The following KLHL15 variants were observed in gnomAD, a reference collection of about 807,000 sequenced individuals.
KLHL15 encodes the protein kelch like family member 15, also known as kelch-like protein 15.
A neutral mutation model predicts 29.3 loss-of-function variants in KLHL15; 1 was observed. The observed-to-expected ratio is 0.03, with a 90% confidence interval of 0.01 to 0.16. The LOEUF is 0.16. Among genes scored for constraint, KLHL15 ranks in the 10% least tolerant of loss-of-function variants. The pLI is 1.00. For synonymous variants in KLHL15, 212 were observed against 184.5 expected (o/e 1.15, Z -1.21); for missense variants, 215 against 478.5 (o/e 0.45, Z 5.14).
At chrX:24,002,773 C>T (rs1929355967) in intron 3 of KLHL15, among the ~76,000 whole-genome samples, 1 of 110,998 alleles carries the variant, frequency 9.0e-6, no homozygotes, top group Non-Finnish European at 1.9e-5. Flanking sequence ...GGACTCCAGG[C>T]ATGTGCCCCC....
chrX:24,013,529 G>A (rs1929616360), intron 2 of KLHL15, among the ~76,000 whole-genome samples: 2 of 110,697 alleles, frequency 1.8e-5, no homozygotes, highest in Admixed American at 9.7e-5. Context: ...CTCCCAAAGT[G>A]CTGGGATTAC....
At chrX:24,016,130 T>A (rs1929674414) in intron 2 of KLHL15, among the ~76,000 whole-genome samples, 1 of 107,435 alleles carries the variant, frequency 9.3e-6, no homozygotes, top group African/African-American at 3.4e-5. Flanking sequence ...GGGCAGATCA[T>A]GAGGTCAGGA....
chrX:24,014,774 T>C (rs1463632560), intron 2 of KLHL15, among the ~76,000 whole-genome samples: 1 of 111,928 alleles, frequency 8.9e-6, no homozygotes, highest in Non-Finnish European at 1.9e-5. Context: ...CTGGCCACAG[T>C]CACTCGTGGT....
chrX:24,021,584 T>G (rs764351025), intron 2 of KLHL15, among the ~76,000 whole-genome samples: 1 of 112,606 alleles, frequency 8.9e-6, no homozygotes, highest in Non-Finnish European at 1.9e-5. Flanking sequence ...TGGCACATAA[T>G]AAGTGCTTAA....
intron 3 of KLHL15, among the ~76,000 whole-genome samples, chrX:24,005,469 G>A (rs889741882): frequency 2.7e-5 from 3 of 111,459 alleles, no homozygotes; most frequent in African/African-American, 9.8e-5. Flanking sequence ...GTAAGAGCAG[G>A]GAAGAAAATC....
chrX:24,022,030 A>G (rs1197810949), intron 2 of KLHL15, among the ~76,000 whole-genome samples: 5 of 111,389 alleles, frequency 4.5e-5, no homozygotes, highest in Non-Finnish European at 9.4e-5. Context: ...AAAATCAGGG[A>G]AAAATGTTGT....
At chrX:24,022,360 AG>A (rs1416204598) in intron 2 of KLHL15, among the ~76,000 whole-genome samples, 2 of 89,651 alleles carry the variant, frequency 2.2e-5, no homozygotes, top group East Asian at 3.8e-4. Context: ...AAAAAAAAAA[AG>A]GCTGGGCACG....
intron 3 of KLHL15, among the ~76,000 whole-genome samples, chrX:23,994,936 C>T (rs1387310590): frequency 9.0e-6 from 1 of 111,262 alleles, no homozygotes; most frequent in Non-Finnish European, 1.9e-5. Context: ...CTCGGCCTCC[C>T]AAAGTGCTGG....
chrX:23,991,862 AAAAAAACAAAC>A (rs1342132522), intron 3 of KLHL15, among the ~76,000 whole-genome samples: 5 of 111,993 alleles, frequency 4.5e-5, no homozygotes, highest in Non-Finnish European at 9.4e-5. Context: ...CAAAAACCTG[AAAAAAACAAAC>A]AAAAAACAAA....
chrX:24,003,864 G>T (rs892301951), intron 3 of KLHL15, among the ~76,000 whole-genome samples: 4 of 106,577 alleles, frequency 3.8e-5, no homozygotes, highest in African/African-American at 1.4e-4. Context: ...GAGGCACGAG[G>T]ATCACTTCAG....
chrX:23,992,920 G>GT (rs778530268), intron 3 of KLHL15, among the ~76,000 whole-genome samples: 1 of 111,906 alleles, frequency 8.9e-6, no homozygotes, highest in Non-Finnish European at 1.9e-5. Context: ...ACTTGACGAA[G>GT]TAAGAGATGT....
At chrX:23,997,556 C>T (rs1311663536) in intron 3 of KLHL15, among the ~76,000 whole-genome samples, 3 of 107,174 alleles carry the variant, frequency 2.8e-5, no homozygotes, top group African/African-American at 1.0e-4. Context: ...CATGGTAAAA[C>T]CACATCTCTA....
chrX:24,019,242 T>TAC (rs1023715213), intron 2 of KLHL15, among the ~76,000 whole-genome samples: 2 of 111,867 alleles, frequency 1.8e-5, no homozygotes, highest in African/African-American at 6.5e-5. Context: ...TTATTTAGGT[T>TAC]ACCATGTAAT....
At chrX:24,016,441 G>C (rs760261882) in intron 2 of KLHL15, among the ~76,000 whole-genome samples, 1 of 107,746 alleles carries the variant, frequency 9.3e-6, no homozygotes, top group East Asian at 2.9e-4. Context: ...GAGGCAAGTG[G>C]ATCACTTGAG....
At position 23,993,585 on chromosome X, in the gene KLHL15, G is replaced by C. The variant is rs761089363; in HGVS notation, c.706-4555C>G. Among the ~76,000 whole-genome samples, 3 of 111,065 alleles carry C rather than the reference G, an allele frequency of 2.7e-5. No homozygotes were observed. The Admixed American group carries it at 2.9e-4, about 11-fold the overall frequency. On this transcript the variant is annotated intron_variant, in intron 3 of 3. Coordinates refer to ENST00000328046, the MANE Select transcript of KLHL15 (RefSeq NM_030624.3). ...AATAATTGTGTGTTAATGCATTTGG[G>C]GGGTAGGGTGAGGTGACTGGAAGTT...
intron 3 of KLHL15, among the ~76,000 whole-genome samples, chrX:23,992,917 G>A (rs1329659970): frequency 1.8e-5 from 2 of 111,934 alleles, no homozygotes; most frequent in Non-Finnish European, 3.8e-5. Context: ...GTGACTTGAC[G>A]AAGTAAGAGA....
Position 23,984,909 on chromosome X carries a change from ACACT to A in KLHL15, c.*3008_*3011del, listed in dbSNP as rs1289244797. ...AGTCAGTATTTCACAAATTCTAGTA[ACACT>A]CACACAGAGCAGAGTAATGAGGACA... On this transcript the variant is annotated 3_prime_UTR_variant, in exon 4 of 4. Coordinates refer to ENST00000328046, the MANE Select transcript of KLHL15 (RefSeq NM_030624.3). 4.5e-5 allele frequency: 5 copies of A among 112,327 alleles called. No homozygotes were observed. The highest frequency in any genetic ancestry group is 9.4e-5 in the Non-Finnish European group (5 of 53,245). 9.3% of individuals were successfully genotyped at this position (112,327 alleles called of 1,213,427 possible).
intron 2 of KLHL15, among the ~76,000 whole-genome samples, chrX:24,007,638 A>G (rs1314863458): frequency 9.3e-6 from 1 of 107,630 alleles, no homozygotes; most frequent in Non-Finnish European, 1.9e-5. Context: ...AATTAGCAAC[A>G]TAAAAATGAT....
intron 3 of KLHL15, among the ~76,000 whole-genome samples, chrX:23,993,123 T>C (rs1263418717): frequency 1.8e-5 from 2 of 112,260 alleles, no homozygotes; most frequent in Admixed American, 9.5e-5. Flanking sequence ...AAATCCAAGA[T>C]GGTTGAGAAC....
Sources: gnomAD v4.1 joint callset for allele counts (sites outside exome capture counted in the v4.1 genomes callset) on GRCh38, gnomAD v4.1.1 for gene constraint, MANE v1.5 for transcripts, NCBI Gene and HGNC (gene_info 2026-07-23, HGNC 2026-07-21) for gene names.